NUMB: variants seen among roughly 807,000 people sequenced by gnomAD.
NUMB encodes protein numb homolog.
In NUMB, 29 loss-of-function variants were observed where a neutral mutation model predicts 59.7. That is an observed-to-expected ratio of 0.49 (90% confidence interval 0.36 to 0.66). NUMB has a LOEUF of 0.66. NUMB is among the 30% of genes least tolerant of loss of function. The pLI is 0.00. For missense variants in NUMB, 723 were observed against 822.0 expected, an observed-to-expected ratio of 0.88 and a Z score of 1.47; for synonymous variants, 288 against 288.2, an observed-to-expected ratio of 1.00 and a Z score of 0.01.
chr14:73,355,128 G>A (rs1018098447), intron 4 of NUMB, among the ~76,000 whole-genome samples: 1 of 152,218 alleles, frequency 6.6e-6, no homozygotes, highest in East Asian at 1.9e-4. Flanking sequence ...CTTAACCTCT[G>A]TGAGTTTCCA....
intron 4 of NUMB, among the ~76,000 whole-genome samples, chr14:73,331,499 G>A (rs1413401234): frequency 6.6e-6 from 1 of 152,162 alleles, no homozygotes. Flanking sequence ...AGTGAGCTGA[G>A]ATCGTGCCAC....
intron 5 of NUMB, among the ~76,000 whole-genome samples, chr14:73,316,689 G>GT (rs1891102842): frequency 6.6e-6 from 1 of 152,206 alleles, no homozygotes; most frequent in Non-Finnish European, 1.5e-5. Context: ...CAACCAGTTA[G>GT]TTTAGTAATC....
At chr14:73,458,254 G>T in intron 1 of NUMB, 2 of 153,114 alleles carry the variant, frequency 1.3e-5, no homozygotes, top group South Asian at 3.6e-4. Context: ...GCGCGGGTCC[G>T]GCCGTAGCCT....
chr14:73,315,374 T>G (rs928018319), intron 6 of NUMB, among the ~76,000 whole-genome samples: 2 of 152,164 alleles, frequency 1.3e-5, no homozygotes, highest in African/African-American at 4.8e-5. Context: ...TTTTAGCACT[T>G]ACTCAAAACT....
At chr14:73,278,081 A>G (rs568763839) in intron 12 of NUMB, among the ~76,000 whole-genome samples, 12 of 145,670 alleles carry the variant, frequency 8.2e-5, no homozygotes, top group African/African-American at 2.8e-4. Flanking sequence ...CCTAGCTTGC[A>G]CATCCTCTAA....
chr14:73,449,561 T>C (rs190367325), intron 1 of NUMB, among the ~76,000 whole-genome samples: 110 of 152,334 alleles, frequency 7.2e-4, no homozygotes, highest in Non-Finnish European at 9.8e-4. Flanking sequence ...CTGACTATAA[T>C]ATGATAGATA....
At chr14:73,307,549 G>A (rs1441336365) in intron 6 of NUMB, among the ~76,000 whole-genome samples, 1 of 151,982 alleles carries the variant, frequency 6.6e-6, no homozygotes, top group African/African-American at 2.4e-5. Context: ...GGAATACTGA[G>A]GAGGCTAGTG....
intron 1 of NUMB, among the ~76,000 whole-genome samples, chr14:73,439,948 AG>A (rs952351817): frequency 3.9e-5 from 6 of 152,314 alleles, no homozygotes; most frequent in Admixed American, 3.9e-4. Flanking sequence ...TTCAAGTATA[AG>A]GTTAACATAA....
At chr14:73,282,572 T>A in intron 10 of NUMB, 67 bp from the exon 11 acceptor site, 3 of 1,532,344 alleles carry the variant, frequency 2.0e-6, no homozygotes, top group Non-Finnish European at 1.8e-6. Flanking sequence ...GACAGTATGA[T>A]GCAAGCTGGC....
intron 4 of NUMB, among the ~76,000 whole-genome samples, chr14:73,342,096 A>G (rs7141241): frequency 0.23 from 35,333 of 152,162 alleles, 5,073 homozygotes; most frequent in East Asian, 0.68. Context: ...ACAAGGTCTC[A>G]CTATATTGCA....
chr14:73,355,553 T>C lies in NUMB; in HGVS notation c.126+73A>G, dbSNP rs922290037. 1.7e-4 allele frequency: 230 copies of C among 1,371,324 alleles called. 2 individuals carry two copies. Among genetic ancestry groups the C allele is most frequent in the Non-Finnish European group, 1.7e-4 (170 of 1,018,814 alleles). 84.9% of individuals were successfully genotyped at this position (1,371,324 alleles called of 1,614,324 possible). A position where few individuals can be genotyped will look rare whatever the true frequency, so the allele number is the denominator to read the frequency against. Reference sequence around the variant, plus strand: ...TGGAAGACTCTCTTAATTGTCCTTATTAATGAGATTTCACATACACTAGAT... The same window carrying C: ...TGGAAGACTCTCTTAATTGTCCTTACTAATGAGATTTCACATACACTAGAT... On this transcript the variant is annotated intron_variant, in intron 4 of 12. Coordinates refer to ENST00000555238, the MANE Select transcript of NUMB (RefSeq NM_001005743.2).
Position 73,284,169 on chromosome 14 carries a change from C to T in NUMB, c.861G>A (p.Met287Ile), listed in dbSNP as rs938252874. ...GGGATAGTTGGCGTTTAAAGGGTGA[C>T]ATCTTCTGGCTAAGAGCAGGAAAAC... ...FRGFPALSQK[M>I]SPFKRQLSLR... The change falls in exon 10 of 13, where the codon ATG becomes ATA. Residue 287 changes from methionine to isoleucine, a missense_variant. This residue lies in a region of NUMB where 317 missense variants were observed against 436.6 expected (regional missense o/e 0.73). Transcript: ENST00000555238. 1.2e-6 allele frequency: 2 copies of T among 1,614,164 alleles called. No homozygotes were observed. The highest frequency in any genetic ancestry group is 1.3e-5 in the African/African-American group (1 of 75,008).
chr14:73,380,800 C>T (rs750837747), intron 2 of NUMB, among the ~76,000 whole-genome samples: 1 of 150,326 alleles, frequency 6.7e-6, no homozygotes, highest in Non-Finnish European at 1.5e-5. Context: ...TCTCCGCTCA[C>T]TGCAACCACC....
chr14:73,363,068 G>A (rs942156058), intron 3 of NUMB, among the ~76,000 whole-genome samples: 5 of 152,262 alleles, frequency 3.3e-5, no homozygotes, highest in South Asian at 2.1e-4. Context: ...GGCTGAGGCC[G>A]GTGGATCACC....
At chr14:73,404,890 A>G (rs988835173) in intron 2 of NUMB, among the ~76,000 whole-genome samples, 7 of 151,890 alleles carry the variant, frequency 4.6e-5, no homozygotes, top group African/African-American at 7.3e-5. Context: ...CCTCCAGAGT[A>G]GCTGGGATTA....
At chr14:73,440,207 ATG>A (rs896599426) in intron 1 of NUMB, among the ~76,000 whole-genome samples, 2 of 34,262 alleles carry the variant, frequency 5.8e-5, no homozygotes, top group African/African-American at 2.8e-4. Context: ...ATATATATAT[ATG>A]GATATCCATA....
chr14:73,420,422 A>G (rs1355513318), intron 1 of NUMB, among the ~76,000 whole-genome samples: 2 of 152,230 alleles, frequency 1.3e-5, no homozygotes, highest in Non-Finnish European at 2.9e-5. Flanking sequence ...TATCACATGT[A>G]TAAGGGTGAC....
At chr14:73,300,730 C>T (rs1890079460) in intron 6 of NUMB, among the ~76,000 whole-genome samples, 1 of 152,078 alleles carries the variant, frequency 6.6e-6, no homozygotes, top group Non-Finnish European at 1.5e-5. Context: ...ACTCTACAAA[C>T]TGGGAACCCT....
intron 1 of NUMB, among the ~76,000 whole-genome samples, chr14:73,451,169 A>C (rs931753879): frequency 8.5e-5 from 10 of 117,872 alleles, no homozygotes; most frequent in Admixed American, 1.8e-4. Context: ...AAAAAAAAAA[A>C]AAAAACAAAA....
Sources: gnomAD v4.1 joint callset for allele counts (sites outside exome capture counted in the v4.1 genomes callset) on GRCh38, gnomAD v4.1.1 for gene constraint, gnomAD v4.1.1 regional missense constraint, MANE v1.5 for transcripts, NCBI Gene and HGNC (gene_info 2026-07-23, HGNC 2026-07-21) for gene names.